The following NPHP4 variants were observed in gnomAD, a reference collection of about 807,000 sequenced individuals.
NPHP4 encodes nephrocystin 4.
Under a neutral mutation model 155.8 loss-of-function variants are expected in NPHP4, and 151 were observed. The ratio of observed to expected loss-of-function variants is 0.97; its 90% CI spans 0.85 to 1.11. The LOEUF is 1.11. NPHP4 is among the 50% of genes least tolerant of loss of function. The probability of loss-of-function intolerance (pLI) is 0.00; values close to 1 mark genes in which losing one functional copy is unlikely to be tolerated. For missense variants in NPHP4, 1,956 were observed against 1,925.7 expected (o/e 1.02, Z -0.29); for synonymous variants, 845 against 816.8 (o/e 1.03, Z -0.59).
At chr1:5,879,806 C>T (rs1191781069) in intron 19 of NPHP4, among the ~76,000 whole-genome samples, 1 of 126,326 alleles carries the variant, frequency 7.9e-6, no homozygotes, top group Non-Finnish European at 1.7e-5. Context: ...CAAACACACA[C>T]ACACACGCAA....
At position 5,927,918 on chromosome 1, in the gene NPHP4, A is replaced by G. The variant is rs17432975; in HGVS notation, c.1303-131T>C. ...GAAATCAGAGGCTTCTTGATGCCAC[A>G]TGTTCTCAGATTATAATCAAGTAGT... On this transcript the variant is annotated intron_variant, in intron 10 of 29. Transcript: ENST00000378156. 46,069 of 919,880 alleles carry G rather than the reference A, an allele frequency of 0.05. 1,372 individuals carry two copies. The highest frequency in any genetic ancestry group is 0.063 in the Middle Eastern group (173 of 2,752). 57.0% of individuals were successfully genotyped at this position (919,880 alleles called of 1,614,324 possible). A position where few individuals can be genotyped will look rare whatever the true frequency, so the allele number is the denominator to read the frequency against.
Position 5,865,287 on chromosome 1 carries a change from G to C in NPHP4, c.3645-14C>G. On this transcript the variant is annotated splice_polypyrimidine_tract_variant and intron_variant, in intron 26 of 29. Transcript: ENST00000378156. ...AGCCAGCGATCCCTGCAGTGGGATG[G>C]GAGCCATCTGCACTTGTCCCGGAGG... The C allele has an allele frequency of 6.5e-7, 1 of 1,529,070 alleles. No homozygotes were observed. The highest frequency in any genetic ancestry group is 8.8e-7 in the Non-Finnish European group (1 of 1,129,954). The allele number at this position is 1,529,070 out of a possible 1,614,324, so 94.7% of individuals were successfully genotyped here.
intron 19 of NPHP4, among the ~76,000 whole-genome samples, chr1:5,877,999 C>G (rs934940968): frequency 1.3e-5 from 2 of 152,246 alleles, no homozygotes; most frequent in Non-Finnish European, 2.9e-5. Context: ...TCGGGCGGGG[C>G]TGTGCTGGGT....
chr1:5,930,562 T>C (rs1422224233), intron 10 of NPHP4, among the ~76,000 whole-genome samples: 1 of 152,270 alleles, frequency 6.6e-6, no homozygotes, highest in East Asian at 1.9e-4. Context: ...TATTGTTTAA[T>C]TTCCAAGTGG....
Position 5,905,795 on chromosome 1 carries a change from G to A in NPHP4, c.1612-12C>T, listed in dbSNP as rs773027132. ...AACGGGAACTCCTGCTGAACAAAAC[G>A]AGGGCTTCCAAGTGAGGCCACCAAG... On this transcript the variant is annotated splice_polypyrimidine_tract_variant and intron_variant, in intron 13 of 29. Transcript: ENST00000378156. The surrounding 1 kb of genome is among the most constrained non-coding windows in gnomAD (Gnocchi z 4.0). The A allele has an allele frequency of 1.1e-5, 17 of 1,595,834 alleles. No homozygotes were observed. Among genetic ancestry groups the A allele is most frequent in the African/African-American group, 4.0e-5 (3 of 74,454 alleles).
intron 11 of NPHP4, among the ~76,000 whole-genome samples, chr1:5,925,694 C>T (rs943899819): frequency 6.6e-6 from 1 of 152,126 alleles, no homozygotes; most frequent in Admixed American, 6.5e-5. Context: ...CGGCTCACTG[C>T]AAGCTCTGCC....
At chr1:5,915,202 AGGCCTTG>A (rs762674764) in intron 11 of NPHP4, among the ~76,000 whole-genome samples, 110 of 152,066 alleles carry the variant, frequency 7.2e-4, no homozygotes, top group African/African-American at 1.8e-3. Flanking sequence ...GGGACGGGCC[AGGCCTTG>A]GGCCTTGGGC....
intron 6 of NPHP4, among the ~76,000 whole-genome samples, chr1:5,961,338 C>T (rs1650278534): frequency 6.6e-6 from 1 of 152,164 alleles, no homozygotes; most frequent in Admixed American, 6.5e-5. Context: ...CTGCTGGCTG[C>T]ACTACAATGT....
intron 3 of NPHP4, among the ~76,000 whole-genome samples, chr1:5,976,789 C>T (rs1653669714): frequency 6.6e-6 from 1 of 152,186 alleles, no homozygotes; most frequent in African/African-American, 2.4e-5. Flanking sequence ...AGGACCCATC[C>T]ATGTCAAGAC....
intron 16 of NPHP4, among the ~76,000 whole-genome samples, chr1:5,891,555 C>G (rs1256376626): frequency 6.6e-6 from 1 of 152,222 alleles, no homozygotes; most frequent in Non-Finnish European, 1.5e-5. Context: ...GGTCATCAGG[C>G]TAAGAGATGG....
chr1:5,962,308 G>C (rs1650477301), intron 5 of NPHP4, among the ~76,000 whole-genome samples: 1 of 152,126 alleles, frequency 6.6e-6, no homozygotes, highest in African/African-American at 2.4e-5. Flanking sequence ...GCCTCCCAAA[G>C]TGCTGGGATT....
intron 9 of NPHP4, among the ~76,000 whole-genome samples, chr1:5,937,019 G>A (rs1646577664): frequency 6.6e-6 from 1 of 152,232 alleles, no homozygotes; most frequent in South Asian, 2.1e-4. Flanking sequence ...GCGGAGAACG[G>A]AGTGATATGG....
At position 5,877,122 on chromosome 1, in the gene NPHP4, C is replaced by A. The variant is rs747795547; in HGVS notation, c.2788G>T (p.Asp930Tyr). 2.5e-6 allele frequency: 4 copies of A among 1,585,314 alleles called. No individual in the cohort carries two copies. In the South Asian group the frequency reaches 4.5e-5, roughly 18 times the overall value. ...ACGCTCGTCCCGCGCCGGCCCAAGTCTCCCCCGGCCTCCTGCAGGCGCACA... is the reference window on the plus strand; with the variant it reads ...ACGCTCGTCCCGCGCCGGCCCAAGTATCCCCCGGCCTCCTGCAGGCGCACA... ...RSVRLQEAGG[D>Y]LGRRGTSVLA... Residue 930 changes from aspartate (D) to tyrosine (Y), a missense_variant, in exon 20 of 30, where the codon GAC becomes TAC. Asp to Tyr is a radical substitution (Grantham distance 160, BLOSUM62 -3). Transcript: ENST00000378156.
chr1:5,864,793 G>T, intron 27 of NPHP4: 2 of 537,626 alleles, frequency 3.7e-6, no homozygotes, highest in East Asian at 2.9e-5. Context: ...CGGCCAGCTG[G>T]TGGCACCAGG....
chr1:5,989,431 C>G (rs1655925326), intron 1 of NPHP4, among the ~76,000 whole-genome samples: 1 of 152,192 alleles, frequency 6.6e-6, no homozygotes, highest in South Asian at 2.1e-4. Flanking sequence ...GTCCAGGCCC[C>G]AGGCTCACAT....
In NPHP4 at chr1:5,905,456, G is replaced by T. The variant is rs1644868757; in HGVS notation, c.1791C>A (p.Ser597=). 1 of 1,607,314 alleles carries T rather than the reference G, an allele frequency of 6.2e-7. No individual in the cohort carries two copies. Among genetic ancestry groups the T allele is most frequent in the Non-Finnish European group, 8.5e-7 (1 of 1,174,482 alleles). The change falls in exon 15 of 30, where the codon TCC becomes TCA. Residue 597 remains serine (S), a synonymous_variant. Transcript: ENST00000378156. This position sits in a 1 kb window ranked among gnomAD's most constrained non-coding sequence, Gnocchi z 4.0. ...RSSAGQPSRA[S]MVLLQSSGFP... ...AGCCGGAGGACTGCAGGAGCACCAT[G>T]GAGGCTCTCGAGGGCTGCCCTGCAG...
At chr1:5,908,761 T>G (rs549727505) in intron 12 of NPHP4, among the ~76,000 whole-genome samples, 20 of 152,172 alleles carry the variant, frequency 1.3e-4, no homozygotes, top group Non-Finnish European at 2.5e-4. Context: ...GGGACACCAA[T>G]AGCTGCCAGG....
chr1:5,975,849 A>G (rs1653460342), intron 3 of NPHP4, among the ~76,000 whole-genome samples: 1 of 152,166 alleles, frequency 6.6e-6, no homozygotes, highest in Non-Finnish European at 1.5e-5. Flanking sequence ...CATTCCAAAG[A>G]TCGTCCTACC....
chr1:5,868,310 C>T lies in NPHP4; in HGVS notation c.3316-414G>A, dbSNP rs142857666. On this transcript the variant is annotated intron_variant, in intron 23 of 29. Transcript: ENST00000378156. The stretch of plus-strand genomic sequence containing the variant: ...GTGGGTGGTGGCAGGGCCAAGTTCG[C>T]GGTCAAGCACGTCAGCACAAGCTCT... 182 of 332,272 alleles carry T rather than the reference C, an allele frequency of 5.5e-4. No individual in the cohort carries two copies. In the East Asian group the frequency reaches 0.01, roughly 19 times the overall value. The allele number at this position is 332,272 out of a possible 1,614,324, so 20.6% of individuals were successfully genotyped here. A position where few individuals can be genotyped will look rare whatever the true frequency, so the allele number is the denominator to read the frequency against.
Sources: gnomAD v4.1 joint callset for allele counts (sites outside exome capture counted in the v4.1 genomes callset) on GRCh38, gnomAD v4.1.1 for gene constraint, Gnocchi (gnomAD v3.1) non-coding constraint, MANE v1.5 for transcripts, NCBI Gene and HGNC (gene_info 2026-07-23, HGNC 2026-07-21) for gene names.